ZNF704: variants seen among roughly 807,000 people sequenced by gnomAD.
The protein encoded by ZNF704 is glucocorticoid induced gene 1.
A neutral mutation model predicts 44.7 loss-of-function variants in ZNF704; 10 were observed. That is an observed-to-expected ratio of 0.22 (90% CI 0.14 to 0.38). ZNF704 has a LOEUF of 0.38. ZNF704 is among the 10% of genes least tolerant of loss of function. The pLI, the probability that ZNF704 is intolerant of heterozygous loss-of-function variation, is 1.00. For synonymous variants in ZNF704, 211 were observed against 207.6 expected, an observed-to-expected ratio of 1.02 and a Z score of -0.14; for missense variants, 390 against 545.5, an observed-to-expected ratio of 0.71 and a Z score of 2.84.
chr8:80,804,306 C>T (rs1169345333), intron 2 of ZNF704, among the ~76,000 whole-genome samples: 2 of 152,184 alleles, frequency 1.3e-5, no homozygotes, highest in Non-Finnish European at 2.9e-5. Context: ...CCATTTAACC[C>T]AGCAATCCCA....
chr8:80,871,919 T>G (rs1032534290), intron 1 of ZNF704, among the ~76,000 whole-genome samples: 4 of 152,242 alleles, frequency 2.6e-5, no homozygotes, highest in African/African-American at 9.6e-5. Flanking sequence ...AAAGGAAATT[T>G]ACTTGAAGAT....
intron 1 of ZNF704, among the ~76,000 whole-genome samples, chr8:80,856,248 C>T (rs1011350797): frequency 5.9e-5 from 9 of 152,068 alleles, no homozygotes; most frequent in South Asian, 2.1e-4. Flanking sequence ...TATGAGCCAC[C>T]GTGCCCGGAC....
At chr8:80,845,969 TTAAA>T (rs1277967630) in intron 1 of ZNF704, among the ~76,000 whole-genome samples, 1 of 152,178 alleles carries the variant, frequency 6.6e-6, no homozygotes, top group Non-Finnish European at 1.5e-5. Context: ...CCTAGTAATA[TTAAA>T]TAAAGAGTAT....
chr8:80,747,106 G>A (rs1339327701), intron 2 of ZNF704, among the ~76,000 whole-genome samples: 1 of 151,990 alleles, frequency 6.6e-6, no homozygotes, highest in African/African-American at 2.4e-5. Context: ...CTAGCTTTCT[G>A]CTTGAAGAAA....
intron 2 of ZNF704, among the ~76,000 whole-genome samples, chr8:80,708,841 C>CT (rs547908173): frequency 9.3e-4 from 134 of 144,848 alleles, no homozygotes; most frequent in Middle Eastern, 3.5e-3. Context: ...GTCTTCTTTC[C>CT]TTTTTTTTTT....
the ZNF704 span, among the ~76,000 whole-genome samples, chr8:80,881,321 T>C: frequency 1.3e-5 from 2 of 152,132 alleles, no homozygotes; most frequent in African/African-American, 2.4e-5. Context: ...TACAAACCAC[T>C]ATGCAGCCAC....
At chr8:80,724,660 T>A (rs960625307) in intron 2 of ZNF704, among the ~76,000 whole-genome samples, 5 of 152,206 alleles carry the variant, frequency 3.3e-5, no homozygotes, top group Non-Finnish European at 5.9e-5. Flanking sequence ...TTCGTTCCCC[T>A]TCTTTCCTCC....
At chr8:80,813,893 G>T (rs1278709066) in intron 2 of ZNF704, among the ~76,000 whole-genome samples, 1 of 151,886 alleles carries the variant, frequency 6.6e-6, no homozygotes, top group African/African-American at 2.4e-5. Flanking sequence ...AAAAAGAAAA[G>T]AAAAGAAAAT....
chr8:80,664,748 T>C, intron 6 of ZNF704, 67 bp downstream of exon 6: 11 of 1,590,816 alleles, frequency 6.9e-6, no homozygotes, highest in South Asian at 1.1e-5. Context: ...CTTTTACTCA[T>C]AGGCCAGATG....
chr8:80,801,181 GA>G (rs1266123240), intron 2 of ZNF704, among the ~76,000 whole-genome samples: 1 of 152,256 alleles, frequency 6.6e-6, no homozygotes, highest in African/African-American at 2.4e-5. Context: ...AGTTCTTAGA[GA>G]CCTACAAAGA....
chr8:80,747,801 C>T (rs372972230), intron 2 of ZNF704, among the ~76,000 whole-genome samples: 16 of 152,306 alleles, frequency 1.1e-4, no homozygotes, highest in African/African-American at 3.1e-4. Flanking sequence ...ACTACAACCT[C>T]CACCTCCCCG....
rs188618109 is a variant in ZNF704, at chr8:80,635,043, C to T, written c.*6323G>A. On this transcript the variant is annotated 3_prime_UTR_variant, in exon 9 of 9. Transcript: ENST00000327835. ...CTATTTGAAACCAAGGTCTGAGTGA[C>T]CTTCTGACCACCTCATAAGAGCTGC... 6.6e-6 allele frequency: 1 copy of T among 152,294 alleles called. No individual in the cohort carries two copies. Among genetic ancestry groups the T allele is most frequent in the Admixed American group, 6.5e-5 (1 of 15,296 alleles). The allele number at this position is 152,294 out of a possible 1,614,324, so 9.4% of individuals were successfully genotyped here. A position where few individuals can be genotyped will look rare whatever the true frequency, so the allele number is the denominator to read the frequency against.
intron 2 of ZNF704, among the ~76,000 whole-genome samples, chr8:80,751,631 G>A (rs190186967): frequency 6.6e-6 from 1 of 152,280 alleles, no homozygotes; most frequent in East Asian, 1.9e-4. Flanking sequence ...GTACATACAT[G>A]TAAAGATTCT....
chr8:80,725,913 C>T (rs1336046551), intron 2 of ZNF704, among the ~76,000 whole-genome samples: 2 of 152,064 alleles, frequency 1.3e-5, no homozygotes, highest in African/African-American at 4.8e-5. Flanking sequence ...AAATAGTGAA[C>T]ATTAAATATT....
chr8:80,776,960 T>C (rs1377709846), intron 2 of ZNF704: 2 of 152,210 alleles, frequency 1.3e-5, no homozygotes, highest in Non-Finnish European at 1.5e-5. Flanking sequence ...CACCACACCC[T>C]GCTGATTGTT....
At chr8:80,821,683 C>A (rs1395989632) in intron 1 of ZNF704, 68 bp from the exon 2 acceptor site, 3 of 1,196,520 alleles carry the variant, frequency 2.5e-6, no homozygotes, top group African/African-American at 3.0e-5. Flanking sequence ...CTGCAGATGG[C>A]GGTGAGGAGA....
chr8:80,689,469 C>G (rs777047634), intron 3 of ZNF704, among the ~76,000 whole-genome samples: 1 of 152,162 alleles, frequency 6.6e-6, no homozygotes, highest in Non-Finnish European at 1.5e-5. Context: ...GAGACTGATA[C>G]GCTCACCAGA....
chr8:80,684,111 G>T (rs1332376273), intron 4 of ZNF704, among the ~76,000 whole-genome samples: 1 of 152,196 alleles, frequency 6.6e-6, no homozygotes, highest in African/African-American at 2.4e-5. Context: ...TACAGATGAA[G>T]AAGTTGATGA....
intron 3 of ZNF704, among the ~76,000 whole-genome samples, chr8:80,690,432 A>T (rs11993753): frequency 0.11 from 16,556 of 152,134 alleles, 3,045 homozygotes; most frequent in African/African-American, 0.38. Flanking sequence ...CCAGGGTTTT[A>T]AAATTTTTTA....
Sources: gnomAD v4.1 joint callset for allele counts (sites outside exome capture counted in the v4.1 genomes callset) on GRCh38, gnomAD v4.1.1 for gene constraint, MANE v1.5 for transcripts, NCBI Gene and HGNC (gene_info 2026-07-23, HGNC 2026-07-21) for gene names.